The following HERC1 variants were observed in gnomAD, a reference collection of about 807,000 sequenced individuals.
HERC1 encodes the protein HECT and RLD domain containing E3 ubiquitin protein ligase family member 1.
Under a neutral mutation model 554.3 loss-of-function variants are expected in HERC1, and 160 were observed. The ratio of observed to expected loss-of-function variants is 0.29; its 90% CI spans 0.25 to 0.33. HERC1 has a LOEUF of 0.33. Ranked by LOEUF, HERC1 falls within the 10% of genes least tolerant of loss-of-function variation. The pLI, the probability that HERC1 is intolerant of heterozygous loss-of-function variation, is 1.00. For missense variants in HERC1, 4,919 were observed against 5,918.5 expected (o/e 0.83, Z 5.54); for synonymous variants, 2,175 against 2,131.7 (o/e 1.02, Z -0.56).
chr15:63,685,894 G>C (rs536272425), intron 34 of HERC1, among the ~76,000 whole-genome samples: 1 of 152,310 alleles, frequency 6.6e-6, no homozygotes, highest in East Asian at 1.9e-4. Context: ...ATTGTATCTA[G>C]ATTGTACAAA....
At chr15:63,798,432 A>G (rs2076875798) in intron 1 of HERC1, among the ~76,000 whole-genome samples, 1 of 152,146 alleles carries the variant, frequency 6.6e-6, no homozygotes, top group Non-Finnish European at 1.5e-5. Context: ...CAGACACTTA[A>G]GAAAATCTTA....
intron 27 of HERC1, among the ~76,000 whole-genome samples, chr15:63,695,830 C>T (rs1173113598): frequency 3.3e-5 from 5 of 152,212 alleles, no homozygotes; most frequent in East Asian, 3.9e-4. Flanking sequence ...CTCTTGAAAC[C>T]CATCCTCCCA....
chr15:63,624,909 C>T (rs1254922090), intron 71 of HERC1, among the ~76,000 whole-genome samples: 1 of 152,120 alleles, frequency 6.6e-6, no homozygotes, highest in Non-Finnish European at 1.5e-5. Context: ...TAGAGATGCC[C>T]CATTAATAAT....
chr15:63,780,852 T>C (rs895841959), intron 1 of HERC1, among the ~76,000 whole-genome samples: 1 of 152,190 alleles, frequency 6.6e-6, no homozygotes. Flanking sequence ...ATAACCTATA[T>C]GCTAACTGAA....
chr15:63,645,699 G>T lies in HERC1; in HGVS notation c.10879-17C>A. The stretch of plus-strand genomic sequence containing the variant: ...AAGAGTATCCTTAAAATGGAAGGAA[G>T]AGAAAAAAAATCAGAGTAATGTTTC... On this transcript the variant is annotated splice_polypyrimidine_tract_variant and intron_variant, in intron 55 of 77. Transcript: ENST00000443617. The T allele has an allele frequency of 1.4e-6, 2 of 1,429,540 alleles. No homozygotes were observed. Among genetic ancestry groups the T allele is most frequent in the Non-Finnish European group, 1.9e-6 (2 of 1,067,536 alleles). The allele number at this position is 1,429,540 out of a possible 1,614,324, so 88.6% of individuals were successfully genotyped here. A position where few individuals can be genotyped will look rare whatever the true frequency, so the allele number is the denominator to read the frequency against.
chr15:63,637,443 G>T, intron 64 of HERC1, 62 bp downstream of exon 64: 1 of 1,420,540 alleles, frequency 7.0e-7, no homozygotes, highest in Non-Finnish European at 9.6e-7. Context: ...GCAAAGGTTT[G>T]TACGACCAAA....
chr15:63,660,402 T>C (rs888037681), intron 46 of HERC1, among the ~76,000 whole-genome samples: 3 of 152,158 alleles, frequency 2.0e-5, no homozygotes. Context: ...GACCACATAA[T>C]GAACTATGGC....
At chr15:63,777,093 C>T (rs546361962) in intron 1 of HERC1, among the ~76,000 whole-genome samples, 1 of 152,016 alleles carries the variant, frequency 6.6e-6, no homozygotes, top group African/African-American at 2.4e-5. Flanking sequence ...TAGAGAGAAA[C>T]CTCAATCACT....
intron 12 of HERC1, among the ~76,000 whole-genome samples, chr15:63,736,055 CT>C (rs1235595279): frequency 1.3e-5 from 2 of 152,038 alleles, no homozygotes; most frequent in African/African-American, 4.8e-5. Flanking sequence ...AAAGACCCCC[CT>C]CCCCAGAATG....
chr15:63,680,094 T>C lies in HERC1; in HGVS notation c.6532A>G (p.Ser2178Gly). The change falls in exon 36 of 78, where the codon AGC becomes GGC. Residue 2178 changes from serine to glycine, a missense_variant. Coordinates refer to ENST00000443617, the MANE Select transcript of HERC1 (RefSeq NM_003922.4). The surrounding 1 kb of genome is among the most constrained non-coding windows in gnomAD (Gnocchi z 5.8). Reference sequence around the variant, plus strand: ...TTCATTACCTTTTCCCCTGGATTGCTACTATAGAACATCACACATGGGTAC... The same window carrying C: ...TTCATTACCTTTTCCCCTGGATTGCCACTATAGAACATCACACATGGGTAC... Reference protein sequence around the residue: ...ELYPCVMFYSSNPGEKVKICD... With the variant: ...ELYPCVMFYSGNPGEKVKICD... The C allele has an allele frequency of 1.2e-6, 2 of 1,611,456 alleles. No individual in the cohort carries two copies. The highest frequency in any genetic ancestry group is 8.5e-7 in the Non-Finnish European group (1 of 1,178,110).
chr15:63,826,814 A>ATATATATATATATATAT (rs10524877), intron 1 of HERC1, among the ~76,000 whole-genome samples: 1 of 22,262 alleles, frequency 4.5e-5, no homozygotes, highest in Non-Finnish European at 9.2e-5. Context: ...AAAAAAAAAA[A>ATATATATATATATATAT]ATATATATAT....
intron 77 of HERC1, among the ~76,000 whole-genome samples, chr15:63,610,956 GAGA>G (rs1490213448): frequency 3.3e-5 from 5 of 152,212 alleles, no homozygotes; most frequent in Non-Finnish European, 5.9e-5. Context: ...AGGAGGTGGA[GAGA>G]AGGAGTCTGG....
chr15:63,624,454 T>C (rs773089267), intron 71 of HERC1, 127 bp from the exon 72 acceptor site: 14 of 768,588 alleles, frequency 1.8e-5, no homozygotes, highest in Non-Finnish European at 2.9e-5. Context: ...CCCAGCACTT[T>C]GGGAGGCTGT....
chr15:63,691,584 G>C (rs367959756), intron 31 of HERC1, among the ~76,000 whole-genome samples: 2 of 151,918 alleles, frequency 1.3e-5, no homozygotes, highest in African/African-American at 4.8e-5. Flanking sequence ...GAAAATAAAT[G>C]AATATCTGAT....
At chr15:63,787,792 C>T (rs1187430362) in intron 1 of HERC1, among the ~76,000 whole-genome samples, 1 of 151,508 alleles carries the variant, frequency 6.6e-6, no homozygotes. Flanking sequence ...GGCAAAACCC[C>T]GACTCTACAA....
At chr15:63,690,454 A>G in intron 32 of HERC1, 87 bp downstream of exon 32, 1 of 787,486 alleles carries the variant, frequency 1.3e-6, no homozygotes, top group Non-Finnish European at 2.1e-6. Context: ...AGACACATTT[A>G]CAACTGAAGA....
chr15:63,833,125 T>C (rs1451812308), intron 1 of HERC1, among the ~76,000 whole-genome samples: 1 of 152,202 alleles, frequency 6.6e-6, no homozygotes, highest in Non-Finnish European at 1.5e-5. Flanking sequence ...TTTCACCATG[T>C]TCCCCGGGGT....
chr15:63,637,111 T>A (rs1437994932), intron 64 of HERC1: 1 of 456,794 alleles, frequency 2.2e-6, no homozygotes, highest in South Asian at 1.5e-5. Flanking sequence ...CACAAAGAAC[T>A]CTGATGAAGA....
At chr15:63,623,303 A>G (rs2068165102) in intron 73 of HERC1, among the ~76,000 whole-genome samples, 1 of 152,206 alleles carries the variant, frequency 6.6e-6, no homozygotes. Flanking sequence ...TAAAATTAGA[A>G]CTGGTCTAAT....
Sources: gnomAD v4.1 joint callset for allele counts (sites outside exome capture counted in the v4.1 genomes callset) on GRCh38, gnomAD v4.1.1 for gene constraint, Gnocchi (gnomAD v3.1) non-coding constraint, MANE v1.5 for transcripts, NCBI Gene and HGNC (gene_info 2026-07-23, HGNC 2026-07-21) for gene names.